Variants in MDN1 observed in about 807,000 individuals in gnomAD.
The protein encoded by MDN1 is midasin.
Under a neutral mutation model 669.2 loss-of-function variants are expected in MDN1, and 266 were observed. The ratio of observed to expected loss-of-function variants is 0.40; its 90% CI spans 0.36 to 0.44. The LOEUF (loss-of-function observed/expected upper bound fraction) is 0.44. Ranked by LOEUF, MDN1 falls within the 20% of genes least tolerant of loss-of-function variation. The pLI, the probability that MDN1 is intolerant of heterozygous loss-of-function variation, is 1.00. For synonymous variants in MDN1, 2,385 were observed against 2,457.1 expected (o/e 0.97, Z 0.87); for missense variants, 5,940 against 6,754.0 (o/e 0.88, Z 4.22).
In MDN1 at chr6:89,645,016, C is replaced by T. The variant is rs140050356; in HGVS notation, c.16601G>A (p.Arg5534Gln). The T allele has an allele frequency of 4.9e-5, 77 of 1,586,718 alleles. No individual in the cohort carries two copies. The highest frequency in any genetic ancestry group is 4.3e-5 in the Non-Finnish European group (50 of 1,157,320). Residue 5534 changes from arginine to glutamine, a missense_variant and splice_region_variant, in exon 101 of 102, where the codon CGG becomes CAG. Transcript: ENST00000369393. ...AGGTGGCTTTTAGTAGTCACTCACC[C>T]GTGAACTGGGATTGTCCAATACAAC... ...IFVVLDNPSSRDSILDIKVPI... is the reference protein window; with the variant it reads ...IFVVLDNPSSQDSILDIKVPI...
chr6:89,645,029 T>C lies in MDN1; in HGVS notation c.16588A>G (p.Asn5530Asp). The C allele has an allele frequency of 6.3e-7, 1 of 1,594,928 alleles. No individual in the cohort carries two copies. Reference sequence around the variant, plus strand: ...TAGTCACTCACCCGTGAACTGGGATTGTCCAATACAACAAAGATGACAAAG... The same window carrying C: ...TAGTCACTCACCCGTGAACTGGGATCGTCCAATACAACAAAGATGACAAAG... ...NIFVIFVVLDNPSSRDSILDI... is the reference protein window; with the variant it reads ...NIFVIFVVLDDPSSRDSILDI... The change falls in exon 101 of 102, where the codon AAT becomes GAT. Residue 5530 changes from asparagine to aspartate, a missense_variant. By Grantham distance (23) the Asn-to-Asp change is conservative. Transcript: ENST00000369393.
In MDN1 at chr6:89,677,673, C is replaced by G; in HGVS notation, c.12436G>C (p.Ala4146Pro). The G allele has an allele frequency of 6.2e-7, 1 of 1,614,124 alleles. No individual in the cohort carries two copies. Among genetic ancestry groups the G allele is most frequent in the Non-Finnish European group, 8.5e-7 (1 of 1,180,026 alleles). ...KIGLSYRKGL[A>P]WARSKNPQEM... The stretch of plus-strand genomic sequence containing the variant: ...TGAGGGTTTTTTGAACGGGCCCAAG[C>G]AAGACCTTTGCGATACGACAAACCT... Residue 4146 changes from alanine (A) to proline (P), a missense_variant, in exon 76 of 102, where the codon GCT (alanine) becomes CCT (proline). Coordinates refer to ENST00000369393, the MANE Select transcript of MDN1 (RefSeq NM_014611.3).
chr6:89,650,396 T>A (rs535639325), intron 96 of MDN1, among the ~76,000 whole-genome samples, 198 bp from the exon 97 acceptor site: 6 of 152,312 alleles, frequency 3.9e-5, no homozygotes, highest in Admixed American at 1.3e-4. Flanking sequence ...TATGTGGCAA[T>A]AATAATTAGG....
chr6:89,754,603 A>G (rs1354785056), intron 20 of MDN1, among the ~76,000 whole-genome samples: 1 of 152,214 alleles, frequency 6.6e-6, no homozygotes, highest in African/African-American at 2.4e-5. Flanking sequence ...GACATGGCAA[A>G]CAACGCATGG....
intron 38 of MDN1, among the ~76,000 whole-genome samples, chr6:89,724,120 G>A (rs1815035341): frequency 6.6e-6 from 1 of 151,704 alleles, no homozygotes; most frequent in Non-Finnish European, 1.5e-5. Context: ...TCCAGCCTGG[G>A]CGACAGAGCA....
Position 89,794,744 on chromosome 6 carries a change from C to A in MDN1, c.387G>T (p.Glu129Asp). ...TSPVFQRLFLESSDANPVRYG... is the reference protein window; with the variant it reads ...TSPVFQRLFLDSSDANPVRYG... ...AGCGTACTGGATTAGCATCTGAACTCTCTAGGAAAAGTCTTTGAAAGACTG... is the reference window on the plus strand; with the variant it reads ...AGCGTACTGGATTAGCATCTGAACTATCTAGGAAAAGTCTTTGAAAGACTG... Residue 129 changes from glutamate (E) to aspartate (D), a missense_variant, in exon 3 of 102, where the codon GAG becomes GAT. By Grantham distance (45) the Glu-to-Asp change is conservative (BLOSUM62 2). Around this residue, in one of 5 missense-constraint regions of MDN1, gnomAD observed 1,203 missense variants for 1,268.9 expected, o/e 0.95. Transcript: ENST00000369393. The A allele has an allele frequency of 6.2e-7, 1 of 1,614,194 alleles. No individual in the cohort carries two copies. Among genetic ancestry groups the A allele is most frequent in the Non-Finnish European group, 8.5e-7 (1 of 1,180,038 alleles).
chr6:89,798,005 C>G (rs781741603), intron 2 of MDN1: 2 of 154,610 alleles, frequency 1.3e-5, no homozygotes, highest in African/African-American at 4.9e-5. Context: ...ACGGTGAAAC[C>G]CCATCTCTAC....
At chr6:89,750,623 C>A in intron 23 of MDN1, 91 bp from the exon 24 acceptor site, 1 of 1,279,648 alleles carries the variant, frequency 7.8e-7, no homozygotes, top group African/African-American at 1.5e-5. Context: ...TTTTGTTTGA[C>A]AAAGGGTTTC....
At chr6:89,706,810 T>G (rs753345688) in intron 52 of MDN1, among the ~76,000 whole-genome samples, 1 of 152,180 alleles carries the variant, frequency 6.6e-6, no homozygotes, top group Admixed American at 6.5e-5. Flanking sequence ...TTTAGATAGA[T>G]AGTTAATACC....
chr6:89,754,647 G>C (rs1817140055), intron 20 of MDN1, among the ~76,000 whole-genome samples: 1 of 152,152 alleles, frequency 6.6e-6, no homozygotes, highest in African/African-American at 2.4e-5. Flanking sequence ...GCTATAATTA[G>C]TACTGACAAA....
intron 53 of MDN1, among the ~76,000 whole-genome samples, chr6:89,703,886 G>A (rs550989805): frequency 1.6e-4 from 25 of 151,664 alleles, no homozygotes; most frequent in African/African-American, 3.4e-4. Flanking sequence ...GGTGGCACGC[G>A]CCTGTAATCC....
intron 5 of MDN1, among the ~76,000 whole-genome samples, chr6:89,791,120 G>A (rs1486843948): frequency 6.6e-6 from 1 of 152,114 alleles, no homozygotes; most frequent in Non-Finnish European, 1.5e-5. Context: ...GGTATTCCAT[G>A]GGAAGTAGGG....
chr6:89,705,124 A>G (rs1426175104), intron 53 of MDN1, among the ~76,000 whole-genome samples: 2 of 152,242 alleles, frequency 1.3e-5, no homozygotes, highest in Admixed American at 1.3e-4. Context: ...CACAAGCCAG[A>G]CATACAGAGA....
At chr6:89,743,453 A>C in intron 30 of MDN1, 123 bp downstream of exon 30, 1 of 1,355,110 alleles carries the variant, frequency 7.4e-7, no homozygotes, top group African/African-American at 1.5e-5. Context: ...TGTAGACCAG[A>C]GAAAATCTGC....
rs1703245256 is a variant in MDN1 at position 89,672,632 on chromosome 6, G to A, written c.13545C>T (p.Ile4515=). The stretch of plus-strand genomic sequence containing the variant: ...CTTCTAAGTTCTGGATGGCACAGAG[G>A]ATGGCTCGGATGGCAATTTCCATTT... ...SEQMEIAIRA[I]LCAIQNLEER... The change falls in exon 81 of 102, where the codon ATC becomes ATT. Residue 4515 remains isoleucine, a synonymous_variant. Coordinates refer to ENST00000369393, the MANE Select transcript of MDN1 (RefSeq NM_014611.3). 3.1e-6 allele frequency: 5 copies of A among 1,614,064 alleles called. No individual in the cohort carries two copies. The highest frequency in any genetic ancestry group is 4.2e-6 in the Non-Finnish European group (5 of 1,180,004).
In MDN1 at chr6:89,699,693, C is replaced by T. The variant is rs989122142; in HGVS notation, c.8905G>A (p.Glu2969Lys). 1 of 1,613,790 alleles carries T rather than the reference C, an allele frequency of 6.2e-7. No individual in the cohort carries two copies. Among genetic ancestry groups the T allele is most frequent in the Non-Finnish European group, 8.5e-7 (1 of 1,179,934 alleles). Residue 2969 changes from glutamate (E) to lysine (K), a missense_variant, in exon 58 of 102, where the codon GAG becomes AAG. This residue lies in a region of MDN1 where 2,292 missense variants were observed against 2,638.3 expected (regional missense o/e 0.87). Transcript: ENST00000369393. ...CAAAATGAGATGAGGTGACTTATCTCCTCATTTATCTGGGGTTGTTGATTT... is the reference window on the plus strand; with the variant it reads ...CAAAATGAGATGAGGTGACTTATCTTCTCATTTATCTGGGGTTGTTGATTT... ...SKNQQPQINEEISHLISFCLY... is the reference protein window; with the variant it reads ...SKNQQPQINEKISHLISFCLY...
rs919585462 is a variant in MDN1, at chr6:89,662,027, T to C, written c.14565+60A>G. ...ATATCTTGAGACACCTTGAGAACTA[T>C]ACAGCTCAAGAGCTCTGGCCTTGAG... On this transcript the variant is annotated intron_variant, in intron 87 of 101. Transcript: ENST00000369393. The C allele has an allele frequency of 5.1e-6, 8 of 1,554,828 alleles. No individual in the cohort carries two copies. The East Asian group carries it at 1.8e-4, about 35-fold the overall frequency.
intron 15 of MDN1, among the ~76,000 whole-genome samples, chr6:89,768,239 C>A (rs1447549699): frequency 1.3e-5 from 2 of 152,004 alleles, no homozygotes; most frequent in African/African-American, 4.8e-5. Context: ...AGCTCCAATT[C>A]CCACGTGTTG....
Position 89,696,535 on chromosome 6 carries a change from A to C in MDN1, c.9208T>G (p.Cys3070Gly). The change falls in exon 60 of 102, where the codon TGC becomes GGC. Residue 3070 changes from cysteine (C) to glycine (G), a missense_variant. By Grantham distance (159) the Cys-to-Gly change is radical (BLOSUM62 -3). This residue lies in a region of MDN1 where 2,292 missense variants were observed against 2,638.3 expected (regional missense o/e 0.87). Transcript: ENST00000369393. ...CAGCTGCTGGTTAAGACTTCAAAGC[A>C]GCACTTAGAGAATATGGGTCTATTG... ...NLNRPIFSKCCFEVLTSSWRA... is the reference protein window; with the variant it reads ...NLNRPIFSKCGFEVLTSSWRA... 6.2e-7 allele frequency: 1 copy of C among 1,614,200 alleles called. No individual in the cohort carries two copies. The highest frequency in any genetic ancestry group is 8.5e-7 in the Non-Finnish European group (1 of 1,180,034).
Sources: allele counts gnomAD v4.1 joint callset (sites outside exome capture counted in the v4.1 genomes callset), GRCh38; gene constraint gnomAD v4.1.1; regional missense constraint gnomAD v4.1.1; transcripts MANE v1.5; gene names NCBI Gene and HGNC (gene_info 2026-07-23, HGNC 2026-07-21).